The following TENM2 variants were observed in gnomAD, a reference collection of about 807,000 sequenced individuals.
TENM2 encodes the protein teneurin-2.
TENM2 carries 52 observed loss-of-function variants against 245.2 expected under a neutral mutation model. The ratio of observed to expected loss-of-function variants is 0.21; its 90% CI spans 0.17 to 0.27. TENM2 has a LOEUF of 0.27. TENM2 is among the 10% of genes least tolerant of loss of function. The pLI is 1.00. For synonymous variants in TENM2, 1,363 were observed against 1,438.9 expected (o/e 0.95, Z 1.19); for missense variants, 3,046 against 3,666.8 (o/e 0.83, Z 4.37).
intron 2 of TENM2, among the ~76,000 whole-genome samples, chr5:167,613,313 T>G (rs1777591189): frequency 6.6e-6 from 1 of 151,924 alleles, no homozygotes; most frequent in Admixed American, 6.6e-5. Context: ...TCAATAAATC[T>G]GTTATCATCA....
intron 2 of TENM2, among the ~76,000 whole-genome samples, chr5:167,818,704 A>G (rs1016146879): frequency 1.3e-5 from 2 of 152,170 alleles, no homozygotes; most frequent in Non-Finnish European, 2.9e-5. Flanking sequence ...TGAGTTGATT[A>G]TGACTTAGTT....
intron 1 of TENM2, among the ~76,000 whole-genome samples, chr5:167,312,541 T>C (rs998777884): frequency 1.3e-5 from 2 of 152,142 alleles, no homozygotes; most frequent in Non-Finnish European, 2.9e-5. Flanking sequence ...GTGGGAAGCT[T>C]TCTGCCTATA....
At chr5:168,105,753 T>G (rs1354858456) in intron 9 of TENM2, among the ~76,000 whole-genome samples, 2 of 152,202 alleles carry the variant, frequency 1.3e-5, no homozygotes, top group African/African-American at 4.8e-5. Flanking sequence ...ATCAGGCACC[T>G]CTCCTGTCCA....
chr5:167,264,862 A>G, the TENM2 span, among the ~76,000 whole-genome samples: 1 of 152,218 alleles, frequency 6.6e-6, no homozygotes, highest in African/African-American at 2.4e-5. Context: ...AGCATCATCA[A>G]ATTGTACCTA....
intron 2 of TENM2, among the ~76,000 whole-genome samples, chr5:167,514,718 G>A (rs1244785751): frequency 6.6e-6 from 1 of 152,070 alleles, no homozygotes; most frequent in Non-Finnish European, 1.5e-5. Flanking sequence ...CCTACCAAAG[G>A]AACAATATTT....
At chr5:167,391,782 A>G (rs867814960) in intron 2 of TENM2, among the ~76,000 whole-genome samples, 2 of 152,158 alleles carry the variant, frequency 1.3e-5, no homozygotes, top group African/African-American at 4.8e-5. Context: ...TAGAAAGGCA[A>G]TGTGGATAAT....
intron 5 of TENM2, among the ~76,000 whole-genome samples, chr5:168,002,788 G>A (rs1053959501): frequency 2.0e-5 from 3 of 152,132 alleles, no homozygotes; most frequent in Admixed American, 1.3e-4. Flanking sequence ...ACTTGAATAG[G>A]TTCATGTATA....
At position 167,919,980 on chromosome 5, in the gene TENM2, G is replaced by T. The variant is rs143357007; in HGVS notation, c.713-32608G>T. Among the ~76,000 whole-genome samples the T allele has an allele frequency of 5.9e-4, 90 of 152,258 alleles. No homozygotes were observed. In the East Asian group the frequency reaches 8.5e-3, roughly 14 times the overall value. ...AAGGCAAGTGTGGTAGAAGTAAGAG[G>T]ACTCACATCAGGGCATCTGCATTTC... On this transcript the variant is annotated intron_variant, in intron 3 of 28. Transcript: ENST00000518659.
chr5:167,769,905 G>A (rs1382953032), intron 2 of TENM2, among the ~76,000 whole-genome samples: 1 of 151,468 alleles, frequency 6.6e-6, no homozygotes, highest in Non-Finnish European at 1.5e-5. Context: ...CCTGAAGTTT[G>A]CTAGTTTTTT....
At chr5:168,177,571 T>C (rs1759467393) in intron 13 of TENM2, among the ~76,000 whole-genome samples, 2 of 152,210 alleles carry the variant, frequency 1.3e-5, no homozygotes, top group Non-Finnish European at 2.9e-5. Context: ...GCACAATGGC[T>C]CATGCCTGTA....
the TENM2 span, among the ~76,000 whole-genome samples, chr5:167,218,909 G>C: frequency 3.9e-5 from 6 of 152,164 alleles, no homozygotes; most frequent in Admixed American, 1.3e-4. Flanking sequence ...TGAGCCAGTT[G>C]AGGCACAGAG....
At chr5:167,857,519 G>A (rs908537169) in intron 2 of TENM2, among the ~76,000 whole-genome samples, 1 of 152,162 alleles carries the variant, frequency 6.6e-6, no homozygotes, top group African/African-American at 2.4e-5. Flanking sequence ...TGTTCATACA[G>A]GCCTACAGTA....
At chr5:167,872,364 G>GGAAAGA (rs1297571711) in intron 2 of TENM2, among the ~76,000 whole-genome samples, 17 of 129,648 alleles carry the variant, frequency 1.3e-4, no homozygotes, top group African/African-American at 5.2e-4. Context: ...GGAAAGAGAA[G>GGAAAGA]GAAGGAAGGA....
chr5:167,657,122 A>G (rs1203267905), intron 2 of TENM2, among the ~76,000 whole-genome samples: 2 of 151,950 alleles, frequency 1.3e-5, no homozygotes, highest in East Asian at 1.9e-4. Flanking sequence ...TTCTTCCCCT[A>G]TGTTTCCCAG....
chr5:167,699,283 G>C (rs1757990902), intron 2 of TENM2, among the ~76,000 whole-genome samples: 1 of 151,998 alleles, frequency 6.6e-6, no homozygotes, highest in Admixed American at 6.6e-5. Flanking sequence ...AGTATGTGAA[G>C]TCTCATCCAA....
At chr5:168,141,800 G>A (rs1012277411) in intron 12 of TENM2, among the ~76,000 whole-genome samples, 16 of 152,172 alleles carry the variant, frequency 1.1e-4, no homozygotes, top group African/African-American at 2.2e-4. Flanking sequence ...AATGAAAACC[G>A]TACAGGCTTT....
At chr5:168,254,251 A>G (rs1317455768) in intron 27 of TENM2, among the ~76,000 whole-genome samples, 1 of 152,226 alleles carries the variant, frequency 6.6e-6, no homozygotes, top group Non-Finnish European at 1.5e-5. Flanking sequence ...AATTCCCTCT[A>G]GACAGACTGT....
At chr5:167,341,730 C>T (rs1222281077) in intron 1 of TENM2, among the ~76,000 whole-genome samples, 4 of 151,612 alleles carry the variant, frequency 2.6e-5, no homozygotes, top group Non-Finnish European at 5.9e-5. Context: ...TTTAACAAAT[C>T]GTAATCATAC....
At chr5:167,119,509 G>A in the TENM2 span, 1 of 152,234 alleles carries the variant, frequency 6.6e-6, no homozygotes, top group Non-Finnish European at 1.5e-5. Flanking sequence ...AAAGTGCCAG[G>A]AGGTTCAGTT....
Sources: allele counts gnomAD v4.1 joint callset (sites outside exome capture counted in the v4.1 genomes callset), GRCh38; gene constraint gnomAD v4.1.1; transcripts MANE v1.5; gene names NCBI Gene and HGNC (gene_info 2026-07-23, HGNC 2026-07-21).